OXR1: variants seen among roughly 807,000 people sequenced by gnomAD.
OXR1 encodes oxidation resistance 1.
OXR1 carries 41 observed loss-of-function variants against 104.6 expected under a neutral mutation model. That is an observed-to-expected ratio of 0.39 (90% CI 0.31 to 0.51). OXR1 has a LOEUF of 0.51. OXR1 is among the 20% of genes least tolerant of loss of function. The probability of loss-of-function intolerance (pLI) is 0.77; values close to 1 mark genes in which losing one functional copy is unlikely to be tolerated. For missense variants in OXR1, 955 were observed against 1,031.9 expected, an observed-to-expected ratio of 0.93 and a Z score of 1.02; for synonymous variants, 348 against 348.4, an observed-to-expected ratio of 1.00 and a Z score of 0.01.
At chr8:106,309,780 C>T (rs1813621146) in intron 1 of OXR1, among the ~76,000 whole-genome samples, 1 of 150,392 alleles carries the variant, frequency 6.6e-6, no homozygotes, top group African/African-American at 2.4e-5. Flanking sequence ...TATATATACA[C>T]ATATATAAAT....
chr8:106,313,361 C>A (rs1169255452), intron 1 of OXR1, among the ~76,000 whole-genome samples: 1 of 151,992 alleles, frequency 6.6e-6, no homozygotes, highest in Non-Finnish European at 1.5e-5. Context: ...CATTTTAAGT[C>A]CACTAGAAAC....
intron 3 of OXR1, among the ~76,000 whole-genome samples, chr8:106,602,968 T>C (rs1309158082): frequency 6.6e-6 from 1 of 152,226 alleles, no homozygotes; most frequent in African/African-American, 2.4e-5. Flanking sequence ...AGATGATTTA[T>C]ATTTACATTC....
rs191533602 is a variant in OXR1 at position 106,430,912 on chromosome 8, G to C, written c.23+71276G>C. Among the ~76,000 whole-genome samples the C allele has an allele frequency of 1.4e-3, 214 of 152,244 alleles. 1 individual carries two copies. The highest frequency in any genetic ancestry group is 4.8e-3 in the African/African-American group (201 of 41,550). Reference sequence around the variant, plus strand: ...TGCTACTCCTCTCATTGAGATGTAAGGTCTAACTCTTCTTCCCTTCCCTTG... The same window carrying C: ...TGCTACTCCTCTCATTGAGATGTAACGTCTAACTCTTCTTCCCTTCCCTTG... On this transcript the variant is annotated intron_variant, in intron 2 of 16. Coordinates refer to ENST00000517566, the MANE Select transcript of OXR1 (RefSeq NM_001198533.2).
At chr8:106,720,367 A>C (rs961692923) in intron 11 of OXR1, among the ~76,000 whole-genome samples, 1 of 152,128 alleles carries the variant, frequency 6.6e-6, no homozygotes, top group Non-Finnish European at 1.5e-5. Context: ...AGGTGCGAAA[A>C]CTAGTATACC....
chr8:106,478,780 C>A (rs1413595453), intron 2 of OXR1, among the ~76,000 whole-genome samples: 1 of 151,672 alleles, frequency 6.6e-6, no homozygotes, highest in African/African-American at 2.4e-5. Context: ...TCATTATAAA[C>A]CCATTATGAA....
chr8:106,712,836 A>ATT (rs1831836830), intron 10 of OXR1, among the ~76,000 whole-genome samples: 1 of 152,048 alleles, frequency 6.6e-6, no homozygotes, highest in Non-Finnish European at 1.5e-5. Context: ...ATGTAACTAT[A>ATT]TTTAGTTAAA....
chr8:106,448,967 T>C (rs989620312), intron 2 of OXR1, among the ~76,000 whole-genome samples: 4 of 152,112 alleles, frequency 2.6e-5, no homozygotes, highest in African/African-American at 4.8e-5. Flanking sequence ...TGGTATAAAG[T>C]TTATAGGTGG....
intron 3 of OXR1, among the ~76,000 whole-genome samples, chr8:106,592,546 T>G (rs1016815174): frequency 2.0e-5 from 3 of 152,132 alleles, no homozygotes; most frequent in Non-Finnish European, 4.4e-5. Context: ...TCTAGGGTAG[T>G]CTGCTCTGAG....
At chr8:106,324,959 G>T (rs188859209) in intron 1 of OXR1, among the ~76,000 whole-genome samples, 1 of 152,100 alleles carries the variant, frequency 6.6e-6, no homozygotes, top group Admixed American at 6.5e-5. Flanking sequence ...AATCCTGGTC[G>T]TTCAACTTGA....
Position 106,683,286 on chromosome 8 carries a change from C to G in OXR1, c.391C>G (p.Arg131Gly), listed in dbSNP as rs773268822. 6.3e-7 allele frequency: 1 copy of G among 1,583,796 alleles called. No individual in the cohort carries two copies. The highest frequency in any genetic ancestry group is 1.7e-5 in the Admixed American group (1 of 59,900). Residue 131 changes from arginine to glycine, a missense_variant, in exon 5 of 17, where the codon CGA becomes GGA. Arg to Gly is a moderately radical substitution (Grantham distance 125, BLOSUM62 -2). This residue lies in a region of OXR1 where 849 missense variants were observed against 852.9 expected (regional missense o/e 1.00). Transcript: ENST00000517566. ...ELVQLNKLFS[R>G]AVVTGQVLYV... The stretch of plus-strand genomic sequence containing the variant: ...TGTTCAATTAAATAAGTTATTCTCC[C>G]GAGCAGTTGTTACTGGACAGGTAGT...
intron 3 of OXR1, among the ~76,000 whole-genome samples, chr8:106,623,638 G>A (rs1017178747): frequency 6.6e-6 from 1 of 152,162 alleles, no homozygotes. Context: ...GGTGGAAAGG[G>A]ATTGAAGAAC....
chr8:106,428,345 C>T (rs1328012486), intron 2 of OXR1, among the ~76,000 whole-genome samples: 1 of 152,160 alleles, frequency 6.6e-6, no homozygotes, highest in East Asian at 1.9e-4. Flanking sequence ...TTTCAGAAGG[C>T]TCTTCTGTGT....
chr8:106,396,387 C>G (rs12678853), intron 2 of OXR1, among the ~76,000 whole-genome samples: 96,684 of 151,862 alleles, frequency 0.64, 30,974 homozygotes, highest in Middle Eastern at 0.68. Context: ...ATAGGATGTG[C>G]GGAGGAGGGT....
In OXR1 at chr8:106,739,649, CT is replaced by C; in HGVS notation, c.2163+71del. On this transcript the variant is annotated intron_variant, in intron 13 of 16. Coordinates refer to ENST00000517566, the MANE Select transcript of OXR1 (RefSeq NM_001198533.2). ...TGTACCCATGAGAGTAAAACAGCCT[CT>C]TTTTAGTTGTTTCTGAAGCAACAGC... 1.3e-6 allele frequency: 2 copies of C among 1,492,108 alleles called. 1 individual carries two copies. Among genetic ancestry groups the C allele is most frequent in the South Asian group, 2.4e-5 (2 of 85,004 alleles). 92.4% of individuals were successfully genotyped at this position (1,492,108 alleles called of 1,614,324 possible). A position where few individuals can be genotyped will look rare whatever the true frequency, so the allele number is the denominator to read the frequency against.
At chr8:106,352,257 A>G (rs1203631418) in intron 1 of OXR1, among the ~76,000 whole-genome samples, 1 of 152,238 alleles carries the variant, frequency 6.6e-6, no homozygotes, top group Non-Finnish European at 1.5e-5. Flanking sequence ...TGGGTGGAAC[A>G]ATATACTTCT....
intron 2 of OXR1, among the ~76,000 whole-genome samples, chr8:106,464,486 G>A (rs189752380): frequency 2.6e-5 from 4 of 152,122 alleles, no homozygotes; most frequent in South Asian, 2.1e-4. Flanking sequence ...AAGACATAAA[G>A]AAGAAACTAT....
intron 2 of OXR1, among the ~76,000 whole-genome samples, chr8:106,430,481 T>G (rs1207475684): frequency 1.3e-5 from 2 of 152,172 alleles, no homozygotes; most frequent in African/African-American, 4.8e-5. Flanking sequence ...GAATAAAGAC[T>G]TCATTACCTA....
intron 3 of OXR1, chr8:106,522,618 A>G (rs572317563): frequency 1.3e-5 from 2 of 152,312 alleles, no homozygotes; most frequent in African/African-American, 2.4e-5. Flanking sequence ...AGTAATCACC[A>G]TGTCAGGCTG....
chr8:106,396,916 A>G (rs1005761767), intron 2 of OXR1, among the ~76,000 whole-genome samples: 2 of 152,132 alleles, frequency 1.3e-5, no homozygotes, highest in Non-Finnish European at 2.9e-5. Context: ...AATTTTATTT[A>G]AAAACAAATG....
Sources: allele counts gnomAD v4.1 joint callset (sites outside exome capture counted in the v4.1 genomes callset), GRCh38; gene constraint gnomAD v4.1.1; regional missense constraint gnomAD v4.1.1; transcripts MANE v1.5; gene names NCBI Gene and HGNC (gene_info 2026-07-23, HGNC 2026-07-21).